Variants in SCMH1 observed in about 807,000 individuals in gnomAD.
The protein encoded by SCMH1 is Scm polycomb group protein homolog 1.
In SCMH1, 37 loss-of-function variants were observed where a neutral mutation model predicts 70.8. The ratio of observed to expected loss-of-function variants is 0.52; its 90% confidence interval spans 0.40 to 0.69. The LOEUF is 0.69. Ranked by LOEUF, SCMH1 falls within the 30% of genes least tolerant of loss-of-function variation. The pLI, the probability that SCMH1 is intolerant of heterozygous loss-of-function variation, is 0.00. For missense variants in SCMH1, 607 were observed against 827.3 expected (o/e 0.73, Z 3.27); for synonymous variants, 292 against 307.4 (o/e 0.95, Z 0.52).
chr1:41,105,122 AT>A (rs577319762), intron 8 of SCMH1, among the ~76,000 whole-genome samples: 305 of 143,446 alleles, frequency 2.1e-3, no homozygotes, highest in African/African-American at 3.1e-3. Context: ...TGCTCAGCTA[AT>A]TTTTTTTTTT....
intron 6 of SCMH1, among the ~76,000 whole-genome samples, chr1:41,122,575 G>A (rs1672211738): frequency 1.3e-5 from 2 of 152,144 alleles, no homozygotes; most frequent in South Asian, 4.1e-4. Flanking sequence ...AAGAATTGAT[G>A]AACGCTTTAT....
At chr1:41,094,786 G>T (rs1321564991) in intron 8 of SCMH1, among the ~76,000 whole-genome samples, 1 of 151,976 alleles carries the variant, frequency 6.6e-6, no homozygotes. Flanking sequence ...CTAATCAGGT[G>T]GCTAAGGCAG....
chr1:41,214,077 C>G (rs1215262210), intron 1 of SCMH1, among the ~76,000 whole-genome samples: 1 of 152,084 alleles, frequency 6.6e-6, no homozygotes, highest in Non-Finnish European at 1.5e-5. Context: ...GGTACTATCT[C>G]AATTACACAC....
chr1:41,069,808 A>G (rs967476077), intron 10 of SCMH1, among the ~76,000 whole-genome samples: 2 of 152,212 alleles, frequency 1.3e-5, no homozygotes, highest in Non-Finnish European at 2.9e-5. Context: ...CTCATCTTCT[A>G]TCGGTTATGG....
exon 9 of SCMH1, chr1:41,075,395 T>C (rs750456179): frequency 6.2e-7 from 1 of 1,614,158 alleles, no homozygotes; most frequent in South Asian, 1.1e-5. Context: ...CTGCTGTGGA[T>C]GCTGGGCTTC....
At chr1:41,147,623 TAC>T (rs1557653516) in intron 5 of SCMH1, among the ~76,000 whole-genome samples, 1 of 152,252 alleles carries the variant, frequency 6.6e-6, no homozygotes, top group East Asian at 1.9e-4. Context: ...GTTCTTTTAT[TAC>T]ACAGAGAGGA....
chr1:41,173,257 C>T (rs1015846718), intron 2 of SCMH1, among the ~76,000 whole-genome samples: 1 of 151,786 alleles, frequency 6.6e-6, no homozygotes, highest in East Asian at 1.9e-4. Context: ...CAAAAAACTC[C>T]CCCCCAAAAC....
intron 4 of SCMH1, among the ~76,000 whole-genome samples, chr1:41,152,106 G>T (rs1645123546): frequency 6.6e-6 from 1 of 152,140 alleles, no homozygotes; most frequent in Non-Finnish European, 1.5e-5. Flanking sequence ...CACCCAATAT[G>T]GTTGGATTCC....
intron 8 of SCMH1, among the ~76,000 whole-genome samples, chr1:41,104,414 G>T (rs994047387): frequency 6.6e-6 from 1 of 152,184 alleles, no homozygotes; most frequent in African/African-American, 2.4e-5. Flanking sequence ...ATCTGAGAGG[G>T]TTAAAGGGAA....
intron 6 of SCMH1, among the ~76,000 whole-genome samples, chr1:41,130,365 C>A (rs1055569191): frequency 2.0e-5 from 3 of 151,984 alleles, no homozygotes; most frequent in African/African-American, 7.3e-5. Context: ...TCCTTTGATG[C>A]ACAAAAGTTT....
At chr1:41,028,836 C>CA in intron 13 of SCMH1, 110 bp from the exon 15 acceptor site, 1 of 1,204,422 alleles carries the variant, frequency 8.3e-7, no homozygotes, top group Admixed American at 2.2e-5. Context: ...ACAGTAGTGC[C>CA]AGACGATGAG....
intron 1 of SCMH1, among the ~76,000 whole-genome samples, chr1:41,240,973 A>G (rs1452322932): frequency 6.6e-6 from 1 of 152,192 alleles, no homozygotes; most frequent in East Asian, 1.9e-4. Flanking sequence ...CAACTGAAGA[A>G]AGTGGAAGTG....
At chr1:41,196,341 T>C (rs1408601543) in intron 1 of SCMH1, among the ~76,000 whole-genome samples, 1 of 151,886 alleles carries the variant, frequency 6.6e-6, no homozygotes, top group Admixed American at 6.6e-5. Flanking sequence ...GTAATCAAAA[T>C]AGTACAGTAT....
chr1:41,074,987 C>T (rs975873607), intron 9 of SCMH1, among the ~76,000 whole-genome samples: 3 of 152,174 alleles, frequency 2.0e-5, no homozygotes, highest in East Asian at 1.9e-4. Flanking sequence ...CTCAGCCTCC[C>T]GAGTAGCTGG....
At chr1:41,027,865 GC>G (rs1643972120) in exon 15 of SCMH1, 2 of 296,980 alleles carry the variant, frequency 6.7e-6, no homozygotes, top group Non-Finnish European at 1.3e-5. Context: ...GACAGAGTTG[GC>G]CTTTTCCTCC....
intron 8 of SCMH1, among the ~76,000 whole-genome samples, chr1:41,082,513 G>C (rs530080396): frequency 6.6e-6 from 1 of 152,214 alleles, no homozygotes; most frequent in African/African-American, 2.4e-5. Flanking sequence ...ACAAGCAAAT[G>C]CTAAGAGATT....
intron 6 of SCMH1, among the ~76,000 whole-genome samples, chr1:41,132,942 T>C (rs774744649): frequency 7.2e-5 from 11 of 152,208 alleles, no homozygotes; most frequent in Non-Finnish European, 1.5e-4. Flanking sequence ...CTGGTTACTG[T>C]AGCCTTGTAG....
chr1:41,111,543 G>T (rs1283606701), intron 8 of SCMH1, among the ~76,000 whole-genome samples: 1 of 152,182 alleles, frequency 6.6e-6, no homozygotes, highest in Non-Finnish European at 1.5e-5. Context: ...GCTTCACCAT[G>T]TTGGCCAGGG....
At chr1:41,095,593 T>C (rs1244312967) in intron 8 of SCMH1, among the ~76,000 whole-genome samples, 1 of 152,244 alleles carries the variant, frequency 6.6e-6, no homozygotes. Context: ...TATAAAAATA[T>C]GCTGGAAGCA....
Sources: allele counts gnomAD v4.1 joint callset (sites outside exome capture counted in the v4.1 genomes callset), GRCh38; gene constraint gnomAD v4.1.1; transcripts MANE v1.5; gene names NCBI Gene and HGNC (gene_info 2026-07-23, HGNC 2026-07-21).